GRIK4: variants seen among roughly 807,000 people sequenced by gnomAD.
GRIK4 encodes glutamate ionotropic receptor kainate type subunit 4, also known as glutamate receptor ionotropic, kainate 4.
In GRIK4, 40 loss-of-function variants were observed where a neutral mutation model predicts 104.9. That is an observed-to-expected ratio of 0.38 (90% CI 0.30 to 0.50). The LOEUF is 0.50. Among genes scored for constraint, GRIK4 ranks in the 20% least tolerant of loss-of-function variants. The pLI, the probability that GRIK4 is intolerant of heterozygous loss-of-function variation, is 0.93. For missense variants in GRIK4, 1,047 were observed against 1,308.1 expected (o/e 0.80, Z 3.08); for synonymous variants, 485 against 524.9 (o/e 0.92, Z 1.04).
chr11:120,638,076 C>T (rs1304893170), intron 1 of GRIK4, among the ~76,000 whole-genome samples: 1 of 152,062 alleles, frequency 6.6e-6, no homozygotes, highest in Non-Finnish European at 1.5e-5. Context: ...GATGGGATTT[C>T]GCCACATTGG....
chr11:120,523,846 TG>T (rs1277549629), intron 1 of GRIK4, among the ~76,000 whole-genome samples: 1 of 151,122 alleles, frequency 6.6e-6, no homozygotes, highest in Non-Finnish European at 1.5e-5. Context: ...TTGGATGCTT[TG>T]GGGAGGTCAT....
chr11:120,859,295 C>T (rs891011337), intron 8 of GRIK4: 1 of 152,132 alleles, frequency 6.6e-6, no homozygotes, highest in African/African-American at 2.4e-5. Context: ...TTGAAATAAC[C>T]TATAAGGTTG....
intron 1 of GRIK4, among the ~76,000 whole-genome samples, chr11:120,540,666 T>C (rs1475083548): frequency 2.6e-5 from 4 of 151,802 alleles, no homozygotes; most frequent in Non-Finnish European, 4.4e-5. Context: ...AACAAAAAAA[T>C]GAGGCTCACT....
At chr11:120,681,465 C>T (rs1950192434) in intron 3 of GRIK4, among the ~76,000 whole-genome samples, 3 of 152,208 alleles carry the variant, frequency 2.0e-5, no homozygotes, top group Admixed American at 1.3e-4. Flanking sequence ...TCCTGTCCTT[C>T]TCCTCTGCTG....
intron 12 of GRIK4, among the ~76,000 whole-genome samples, chr11:120,904,887 T>C (rs1238148249): frequency 6.6e-6 from 1 of 152,188 alleles, no homozygotes; most frequent in Non-Finnish European, 1.5e-5. Flanking sequence ...CAGTTGCACA[T>C]GTACCTGTTC....
intron 6 of GRIK4, among the ~76,000 whole-genome samples, chr11:120,826,818 T>TA (rs1953275646): frequency 6.6e-6 from 1 of 152,266 alleles, no homozygotes; most frequent in East Asian, 1.9e-4. Flanking sequence ...GCAGGTAAAA[T>TA]ACGTCATTCC....
At chr11:120,853,671 G>C (rs1954029980) in intron 8 of GRIK4, among the ~76,000 whole-genome samples, 1 of 152,242 alleles carries the variant, frequency 6.6e-6, no homozygotes, top group Non-Finnish European at 1.5e-5. Flanking sequence ...CCAAGGGAGG[G>C]AAGCAGATCC....
At chr11:120,757,272 C>T (rs976286643) in intron 3 of GRIK4, among the ~76,000 whole-genome samples, 3 of 152,238 alleles carry the variant, frequency 2.0e-5, no homozygotes, top group African/African-American at 7.2e-5. Context: ...GGCCAGGATA[C>T]CTGCCTTGGG....
chr11:120,759,178 A>T (rs1242311537), intron 3 of GRIK4, among the ~76,000 whole-genome samples: 2 of 152,170 alleles, frequency 1.3e-5, no homozygotes, highest in African/African-American at 4.8e-5. Context: ...AGAGCTGGGG[A>T]GTGGAGAGCT....
intron 3 of GRIK4, among the ~76,000 whole-genome samples, chr11:120,790,002 G>A (rs1319268639): frequency 2.0e-5 from 3 of 152,122 alleles, no homozygotes; most frequent in Non-Finnish European, 2.9e-5. Flanking sequence ...AGTAAAGTCT[G>A]GCTCTGTCCT....
At chr11:120,836,962 C>G in intron 8 of GRIK4, 118 bp downstream of exon 8, 1 of 665,780 alleles carries the variant, frequency 1.5e-6, no homozygotes, top group South Asian at 1.8e-5. Flanking sequence ...AGCAGAGGAG[C>G]AGAAGCCAAC....
chr11:120,949,174 G>A (rs906793574), intron 14 of GRIK4, among the ~76,000 whole-genome samples: 1 of 152,124 alleles, frequency 6.6e-6, no homozygotes, highest in African/African-American at 2.4e-5. Context: ...GAGGAACTTT[G>A]GGCATGAAAG....
chr11:120,936,064 TTCC>T (rs35260812), intron 13 of GRIK4: 4 of 184,680 alleles, frequency 2.2e-5, no homozygotes, highest in African/African-American at 4.8e-5. Context: ...CTTCTTCATC[TTCC>T]TCCTCCTCCT....
intron 1 of GRIK4, among the ~76,000 whole-genome samples, chr11:120,550,237 G>A (rs1330929534): frequency 6.6e-6 from 1 of 151,764 alleles, no homozygotes; most frequent in Non-Finnish European, 1.5e-5. Context: ...TGGCATCCCA[G>A]GTTGCTGCTG....
At chr11:120,682,607 T>C (rs1466224687) in intron 3 of GRIK4, among the ~76,000 whole-genome samples, 48 of 138,906 alleles carry the variant, frequency 3.5e-4, no homozygotes, top group South Asian at 1.2e-3. Flanking sequence ...TTTTTTTTTT[T>C]CCCATCTGGC....
At chr11:120,715,056 A>G (rs1244375257) in intron 3 of GRIK4, among the ~76,000 whole-genome samples, 1 of 152,146 alleles carries the variant, frequency 6.6e-6, no homozygotes, top group Non-Finnish European at 1.5e-5. Flanking sequence ...GGAGGTGTCC[A>G]CCCTGTAGGT....
intron 13 of GRIK4, among the ~76,000 whole-genome samples, chr11:120,924,275 C>G (rs1295706209): frequency 6.6e-6 from 1 of 152,096 alleles, no homozygotes; most frequent in Non-Finnish European, 1.5e-5. Flanking sequence ...GTGTGGCTCC[C>G]TTGCGTGTGT....
At chr11:120,962,986 T>G (rs1470144086) in intron 18 of GRIK4, 4 of 237,826 alleles carry the variant, frequency 1.7e-5, no homozygotes, top group Admixed American at 5.3e-5. Context: ...GTCTTTGGTG[T>G]GTATTTAGGC....
At chr11:120,637,962 C>T (rs944634287) in intron 1 of GRIK4, among the ~76,000 whole-genome samples, 1 of 152,034 alleles carries the variant, frequency 6.6e-6, no homozygotes, top group African/African-American at 2.4e-5. Context: ...TCACTAAAAC[C>T]TCCGCCTCCC....
Sources: allele counts gnomAD v4.1 joint callset (sites outside exome capture counted in the v4.1 genomes callset), GRCh38; gene constraint gnomAD v4.1.1; transcripts MANE v1.5; gene names NCBI Gene and HGNC (gene_info 2026-07-23, HGNC 2026-07-21).